The following C13orf42 variants were observed in gnomAD, a reference collection of about 807,000 sequenced individuals.
C13orf42 encodes the protein uncharacterized protein C13orf42.
At chr13:51,086,514 G>C (rs1236294048) in intron 2 of C13orf42, among the ~76,000 whole-genome samples, 1 of 138,712 alleles carries the variant, frequency 7.2e-6, no homozygotes, top group African/African-American at 3.3e-5. Flanking sequence ...GAGAGAGAGA[G>C]TGTGTGTGTG....
intron 1 of C13orf42, among the ~76,000 whole-genome samples, chr13:51,120,855 A>T (rs1953529028): frequency 6.6e-6 from 1 of 152,074 alleles, no homozygotes; most frequent in Non-Finnish European, 1.5e-5. Flanking sequence ...CTCTACTAAA[A>T]ATACAAAAAT....
chr13:51,168,957 G>T (rs1348630155), intron 1 of C13orf42, among the ~76,000 whole-genome samples: 2 of 152,166 alleles, frequency 1.3e-5, no homozygotes, highest in Non-Finnish European at 2.9e-5. Context: ...GGCCTCACCA[G>T]CCATGTTTCC....
At chr13:51,085,048 T>C (rs1460113818) in intron 3 of C13orf42, among the ~76,000 whole-genome samples, 2 of 151,834 alleles carry the variant, frequency 1.3e-5, no homozygotes, top group Non-Finnish European at 2.9e-5. Context: ...GATGGCACAG[T>C]GCATGGGCTA....
chr13:51,127,294 T>G (rs1309323371), intron 1 of C13orf42, among the ~76,000 whole-genome samples: 2 of 152,182 alleles, frequency 1.3e-5, no homozygotes, highest in African/African-American at 4.8e-5. Context: ...TCTAGGCAAT[T>G]TACCGACTCA....
At chr13:51,096,658 C>T (rs73485805) in intron 1 of C13orf42, among the ~76,000 whole-genome samples, 2,413 of 152,202 alleles carry the variant, frequency 0.016, 49 homozygotes, top group African/African-American at 0.055. Flanking sequence ...TGTACATCTG[C>T]GTGTGTGTTT....
At chr13:51,101,382 A>G (rs1953288897) in intron 1 of C13orf42, among the ~76,000 whole-genome samples, 1 of 152,240 alleles carries the variant, frequency 6.6e-6, no homozygotes, top group African/African-American at 2.4e-5. Flanking sequence ...ATAAGCAAAT[A>G]TAACTTTATT....
chr13:51,099,650 T>C (rs1953266534), intron 1 of C13orf42, among the ~76,000 whole-genome samples: 1 of 152,156 alleles, frequency 6.6e-6, no homozygotes, highest in South Asian at 2.1e-4. Flanking sequence ...TTTTGTTTGT[T>C]TAGAGGCAGA....
At chr13:51,170,995 T>C (rs969933394) in intron 1 of C13orf42, among the ~76,000 whole-genome samples, 1 of 151,450 alleles carries the variant, frequency 6.6e-6, no homozygotes, top group Non-Finnish European at 1.5e-5. Flanking sequence ...TTCCGCACCC[T>C]GACCTCTTAT....
rs540296304 is a variant in C13orf42 at position 51,159,865 on chromosome 13, G to T, written n.136+12388C>A. Among the ~76,000 whole-genome samples, 32 of 152,354 alleles carry T rather than the reference G, an allele frequency of 2.1e-4. No individual in the cohort carries two copies. The South Asian group carries it at 6.6e-3, about 32-fold the overall frequency. On this transcript the variant is annotated intron_variant and non_coding_transcript_variant, in intron 1 of 4. Coordinates refer to the C13orf42 transcript ENST00000433280. Reference sequence around the variant, plus strand: ...ATACTGAAACTGGGAACAAAAAGAGGTTTAATTGGACTTACAGTTCCACAT... The same window carrying T: ...ATACTGAAACTGGGAACAAAAAGAGTTTTAATTGGACTTACAGTTCCACAT...
At chr13:51,168,822 C>G (rs1953921517) in intron 1 of C13orf42, among the ~76,000 whole-genome samples, 1 of 152,128 alleles carries the variant, frequency 6.6e-6, no homozygotes. Flanking sequence ...TGAGTGAGTT[C>G]TCATGAGATC....
intron 2 of C13orf42, among the ~76,000 whole-genome samples, chr13:51,086,498 G>C (rs1388318126): frequency 1.3e-5 from 2 of 150,974 alleles, no homozygotes; most frequent in Non-Finnish European, 2.9e-5. Flanking sequence ...AAGAGAGTGT[G>C]TGTGTGAGAG....
chr13:51,160,598 C>T lies in C13orf42; in HGVS notation n.136+11655G>A, dbSNP rs77840288. On this transcript the variant is annotated intron_variant and non_coding_transcript_variant, in intron 1 of 4. Transcript: ENST00000433280. Reference sequence around the variant, plus strand: ...AAGATGAGCCAGGAAGCAAGCCTCCCTCATTGAAAACAAATGAGGAATTGT... The same window carrying T: ...AAGATGAGCCAGGAAGCAAGCCTCCTTCATTGAAAACAAATGAGGAATTGT... Among the ~76,000 whole-genome samples, 58 of 152,222 alleles carry T rather than the reference C, an allele frequency of 3.8e-4. No individual in the cohort carries two copies. In the East Asian group the frequency reaches 0.01, roughly 27 times the overall value.
intron 1 of C13orf42, among the ~76,000 whole-genome samples, chr13:51,143,266 C>T (rs184906068): frequency 7.9e-5 from 12 of 152,260 alleles, no homozygotes; most frequent in Non-Finnish European, 1.6e-4. Context: ...TATTCAACTC[C>T]TCAAGACTGA....
upstream of C13orf42, among the ~76,000 whole-genome samples, chr13:51,112,977 C>A (rs971272287): frequency 2.6e-5 from 4 of 152,190 alleles, no homozygotes; most frequent in Non-Finnish European, 5.9e-5. Flanking sequence ...GCTGACTGAA[C>A]TTCTTCTCAG....
At chr13:51,124,233 A>G (rs1953558619) in intron 1 of C13orf42, among the ~76,000 whole-genome samples, 1 of 152,156 alleles carries the variant, frequency 6.6e-6, no homozygotes, top group African/African-American at 2.4e-5. Flanking sequence ...TCAGCACTCC[A>G]GATTCACTGG....
upstream of C13orf42, among the ~76,000 whole-genome samples, chr13:51,114,649 GATAGAC>G (rs1566130359): frequency 6.3e-4 from 47 of 74,390 alleles, no homozygotes; most frequent in Middle Eastern, 0.012. Flanking sequence ...GATAGATAGA[GATAGAC>G]AGACAGACAG....
rs57050801 is a variant in C13orf42, at chr13:51,085,184, A to AATAT, written c.803+131_803+134dup. On this transcript the variant is annotated intron_variant, in intron 3 of 3. Coordinates refer to ENST00000563710, the MANE Select transcript of C13orf42 (RefSeq NM_001351589.3). ...GACCTCACCACCACCAGCAACAACAAATATATATATATATATATATATATA... is the reference window on the plus strand; with the variant it reads ...GACCTCACCACCACCAGCAACAACAAATATATATATATATATATATATATATATA... 1,397 of 195,708 alleles carry AATAT rather than the reference A, an allele frequency of 7.1e-3. 13 individuals carry two copies. The highest frequency in any genetic ancestry group is 0.023 in the African/African-American group (904 of 39,020). The allele number at this position is 195,708 out of a possible 1,614,324, so 12.1% of individuals were successfully genotyped here. A position where few individuals can be genotyped will look rare whatever the true frequency, so the allele number is the denominator to read the frequency against.
At chr13:51,121,881 T>C (rs553797080) in intron 1 of C13orf42, among the ~76,000 whole-genome samples, 32 of 152,176 alleles carry the variant, frequency 2.1e-4, no homozygotes, top group Non-Finnish European at 3.8e-4. Context: ...ATTACACTTG[T>C]ATAATGGAAC....
chr13:51,151,036 C>T (rs1953774319), intron 1 of C13orf42, among the ~76,000 whole-genome samples: 1 of 152,198 alleles, frequency 6.6e-6, no homozygotes, highest in African/African-American at 2.4e-5. Flanking sequence ...ATCACAGGCA[C>T]AAATTCACTC....
Sources: allele counts gnomAD v4.1 joint callset (sites outside exome capture counted in the v4.1 genomes callset), GRCh38; gene constraint gnomAD v4.1.1; transcripts MANE v1.5; gene names NCBI Gene and HGNC (gene_info 2026-07-23, HGNC 2026-07-21).